CFAP95: variants seen among roughly 807,000 people sequenced by gnomAD.
The protein encoded by CFAP95 is cilia and flagella associated protein 95.
the CFAP95 span, among the ~76,000 whole-genome samples, chr9:69,840,293 C>T: frequency 6.6e-6 from 1 of 152,084 alleles, no homozygotes; most frequent in Non-Finnish European, 1.5e-5. Context: ...ATGAAATATA[C>T]ATTATTGCAC....
the CFAP95 span, chr9:69,902,419 T>A: frequency 2.4e-6 from 1 of 413,564 alleles, no homozygotes; most frequent in Non-Finnish European, 4.7e-6. Context: ...ATTGTCTTGC[T>A]CAAAAATCCT....
At chr9:69,841,164 TTATATATATATA>T in the CFAP95 span, among the ~76,000 whole-genome samples, 980 of 56,078 alleles carry the variant, frequency 0.017, 60 homozygotes, top group Middle Eastern at 0.074. Context: ...CCAAGCTGGA[TTATATATATATA>T]TATATATATA....
the CFAP95 span, among the ~76,000 whole-genome samples, chr9:69,905,645 T>C: frequency 6.6e-6 from 1 of 152,190 alleles, no homozygotes; most frequent in Non-Finnish European, 1.5e-5. Flanking sequence ...TTGGTCTATA[T>C]ATATGATCAT....
chr9:69,872,368 A>G, the CFAP95 span, among the ~76,000 whole-genome samples: 175 of 152,348 alleles, frequency 1.1e-3, no homozygotes, highest in Middle Eastern at 6.8e-3. Context: ...AAAAATAACC[A>G]AAGAATTCAA....
At chr9:69,834,565 T>C in the CFAP95 span, among the ~76,000 whole-genome samples, 1 of 152,236 alleles carries the variant, frequency 6.6e-6, no homozygotes, top group African/African-American at 2.4e-5. Context: ...ACTGTTACGA[T>C]AGACAAAGCC....
At chr9:69,887,284 G>A in the CFAP95 span, among the ~76,000 whole-genome samples, 1 of 152,174 alleles carries the variant, frequency 6.6e-6, no homozygotes, top group East Asian at 1.9e-4. Flanking sequence ...AGAATGTCCA[G>A]TTTATAACTT....
the CFAP95 span, among the ~76,000 whole-genome samples, chr9:69,874,051 G>T: frequency 6.6e-6 from 1 of 152,154 alleles, no homozygotes; most frequent in South Asian, 2.1e-4. Context: ...GTAGCAAATT[G>T]TGGGTGGTGC....
chr9:69,889,232 C>A, the CFAP95 span, among the ~76,000 whole-genome samples: 2 of 152,110 alleles, frequency 1.3e-5, no homozygotes, highest in African/African-American at 4.8e-5. Flanking sequence ...TAAGGTTAGA[C>A]TTATGGTAAG....
the CFAP95 span, among the ~76,000 whole-genome samples, chr9:69,876,255 G>A: frequency 6.6e-6 from 1 of 152,154 alleles, no homozygotes; most frequent in African/African-American, 2.4e-5. Context: ...TTTAAAGGCT[G>A]GGCACAGTGG....
chr9:69,871,064 C>A, the CFAP95 span, among the ~76,000 whole-genome samples: 1 of 151,840 alleles, frequency 6.6e-6, no homozygotes, highest in Non-Finnish European at 1.5e-5. Context: ...ACTAAAAATA[C>A]AAAAGTTAGC....
At chr9:69,839,675 C>A in the CFAP95 span, among the ~76,000 whole-genome samples, 21 of 151,308 alleles carry the variant, frequency 1.4e-4, no homozygotes, top group African/African-American at 5.1e-4. Context: ...GATCCGCCTG[C>A]CTCAGCCTCC....
At chr9:69,876,253 C>A in the CFAP95 span, among the ~76,000 whole-genome samples, 1 of 152,276 alleles carries the variant, frequency 6.6e-6, no homozygotes, top group East Asian at 1.9e-4. Context: ...GTTTTAAAGG[C>A]TGGGCACAGT....
At chr9:69,839,814 G>C in the CFAP95 span, among the ~76,000 whole-genome samples, 1 of 151,480 alleles carries the variant, frequency 6.6e-6, no homozygotes, top group Admixed American at 6.6e-5. Flanking sequence ...AGTGGCTCCC[G>C]CCTGTAATCC....
the CFAP95 span, among the ~76,000 whole-genome samples, chr9:69,837,897 T>C: frequency 1.3e-5 from 2 of 152,220 alleles, no homozygotes; most frequent in Non-Finnish European, 2.9e-5. Context: ...CCATCTTGAA[T>C]TGATTTTTGT....
At chr9:69,899,979 A>G in the CFAP95 span, among the ~76,000 whole-genome samples, 4 of 152,236 alleles carry the variant, frequency 2.6e-5, no homozygotes, top group Non-Finnish European at 5.9e-5. Context: ...CCATGAGTAC[A>G]ACTATACAGG....
At chr9:69,820,968 A>G in the CFAP95 span, 164 of 1,613,876 alleles carry the variant, frequency 1.0e-4, no homozygotes, top group Non-Finnish European at 1.4e-4. Context: ...GTGGAGCGCA[A>G]GGGCTCCCTG....
the CFAP95 span, among the ~76,000 whole-genome samples, chr9:69,863,215 G>A: frequency 6.6e-6 from 1 of 152,162 alleles, no homozygotes; most frequent in Non-Finnish European, 1.5e-5. Flanking sequence ...GATGGGCAGA[G>A]TGAGAGTCAA....
At chr9:69,840,063 G>A in the CFAP95 span, among the ~76,000 whole-genome samples, 1 of 143,208 alleles carries the variant, frequency 7.0e-6, no homozygotes, top group Non-Finnish European at 1.5e-5. Context: ...GGCAACAAAA[G>A]CAAAACTTCA....
the CFAP95 span, among the ~76,000 whole-genome samples, chr9:69,861,745 A>C: frequency 6.6e-6 from 1 of 151,032 alleles, no homozygotes. Flanking sequence ...AAAAAAAAAA[A>C]AAAAAAAACA....
Sources: allele counts gnomAD v4.1 joint callset (sites outside exome capture counted in the v4.1 genomes callset), GRCh38; gene constraint gnomAD v4.1.1; transcripts MANE v1.5; gene names NCBI Gene and HGNC (gene_info 2026-07-23, HGNC 2026-07-21).